The following COL24A1 variants were observed in gnomAD, a reference collection of about 807,000 sequenced individuals.
COL24A1 encodes collagen alpha-1(XXIV) chain.
Under a neutral mutation model 253.9 loss-of-function variants are expected in COL24A1, and 224 were observed. That is an observed-to-expected ratio of 0.88 (90% CI 0.79 to 0.99). The LOEUF (loss-of-function observed/expected upper bound fraction) is 0.99. Among genes scored for constraint, COL24A1 ranks in the 50% least tolerant of loss-of-function variants. The pLI is 0.00. For missense variants in COL24A1, 2,131 were observed against 2,068.5 expected, an observed-to-expected ratio of 1.03 and a Z score of -0.59; for synonymous variants, 685 against 673.7, an observed-to-expected ratio of 1.02 and a Z score of -0.26.
chr1:86,154,234 A>C (rs1464453967), intron 1 of COL24A1: 6 of 151,526 alleles, frequency 4.0e-5, no homozygotes, highest in Admixed American at 3.9e-4. Flanking sequence ...GATTTTCTAG[A>C]AACAATTTTT....
intron 43 of COL24A1, among the ~76,000 whole-genome samples, chr1:85,827,520 C>G (rs1265605054): frequency 1.3e-5 from 2 of 151,874 alleles, no homozygotes. Context: ...CCTCCTTGTA[C>G]CTCTGGTAGA....
intron 2 of COL24A1, among the ~76,000 whole-genome samples, 165 bp downstream of exon 2, chr1:86,145,954 C>T (rs1012227701): frequency 5.3e-5 from 8 of 151,950 alleles, no homozygotes; most frequent in Non-Finnish European, 8.8e-5. Context: ...CGTATTTCCC[C>T]TCAAAATTGG....
At chr1:86,142,028 G>A (rs563254416) in intron 2 of COL24A1, among the ~76,000 whole-genome samples, 1 of 152,034 alleles carries the variant, frequency 6.6e-6, no homozygotes, top group South Asian at 2.1e-4. Flanking sequence ...TAACAGAAAT[G>A]TTGCATACTT....
At chr1:85,743,038 C>A (rs1024569668) in intron 57 of COL24A1, among the ~76,000 whole-genome samples, 1 of 152,118 alleles carries the variant, frequency 6.6e-6, no homozygotes, top group Non-Finnish European at 1.5e-5. Flanking sequence ...CCTACCTCTA[C>A]CCCTGTCTTC....
chr1:85,766,553 C>T (rs913802130), intron 53 of COL24A1, among the ~76,000 whole-genome samples: 8 of 151,622 alleles, frequency 5.3e-5, no homozygotes, highest in East Asian at 1.9e-4. Context: ...GTGGAAAGGA[C>T]CTACTTGGGA....
intron 2 of COL24A1, among the ~76,000 whole-genome samples, chr1:86,130,549 A>G (rs747047852): frequency 6.6e-5 from 10 of 151,898 alleles, no homozygotes; most frequent in African/African-American, 1.4e-4. Context: ...CTTTCATTAC[A>G]CATATCTATT....
At chr1:86,063,425 T>G (rs1254360035) in intron 8 of COL24A1, among the ~76,000 whole-genome samples, 1 of 151,834 alleles carries the variant, frequency 6.6e-6, no homozygotes, top group Non-Finnish European at 1.5e-5. Context: ...AAAGGATTCA[T>G]AGTATTTATG....
At chr1:85,775,169 C>G (rs928421255) in intron 53 of COL24A1, among the ~76,000 whole-genome samples, 1 of 151,924 alleles carries the variant, frequency 6.6e-6, no homozygotes, top group Non-Finnish European at 1.5e-5. Context: ...GTTTCCATGT[C>G]GTTGTGCAGT....
chr1:85,827,749 T>A (rs560999230), intron 43 of COL24A1, among the ~76,000 whole-genome samples: 10 of 152,230 alleles, frequency 6.6e-5, no homozygotes, highest in African/African-American at 2.4e-4. Context: ...TAGTTTGTAT[T>A]TCTGTGGGAT....
chr1:85,778,143 G>T (rs909418514), intron 52 of COL24A1, among the ~76,000 whole-genome samples: 3 of 150,406 alleles, frequency 2.0e-5, no homozygotes, highest in Non-Finnish European at 4.4e-5. Context: ...AATTTTTTTT[G>T]CCCAGGCTGG....
intron 52 of COL24A1, among the ~76,000 whole-genome samples, chr1:85,780,555 C>T (rs1017871117): frequency 6.6e-5 from 10 of 152,104 alleles, no homozygotes; most frequent in African/African-American, 1.4e-4. Flanking sequence ...GTGGAAAGAG[C>T]GCTGGTCTTG....
In COL24A1 at chr1:85,770,040, A is replaced by G. The variant is rs979053516; in HGVS notation, c.4374+5634T>C. ...ATGCAGAGCCACACTGATATGGAAC[A>G]TGGGCTAATTCCAAGTCTCTCTGCT... is the stretch of plus-strand genomic sequence containing the variant. On this transcript the variant is annotated intron_variant, in intron 53 of 59. Transcript: ENST00000370571. 3.3e-5 allele frequency among the ~76,000 whole-genome samples: 5 copies of G among 152,240 alleles called. No homozygotes were observed. The East Asian group carries it at 9.7e-4, about 29-fold the overall frequency.
intron 45 of COL24A1, among the ~76,000 whole-genome samples, chr1:85,821,626 A>T (rs1673629263): frequency 6.6e-6 from 1 of 152,214 alleles, no homozygotes; most frequent in African/African-American, 2.4e-5. Context: ...ACTATTTTAA[A>T]TTCTAAGAGG....
intron 1 of COL24A1, chr1:86,154,687 T>C (rs187881472): frequency 6.5e-6 from 1 of 152,704 alleles, no homozygotes; most frequent in African/African-American, 2.4e-5. Context: ...CAGGAGCAGA[T>C]CTGCTTTAAC....
chr1:85,807,225 T>C (rs1459221734), intron 47 of COL24A1, among the ~76,000 whole-genome samples: 1 of 152,140 alleles, frequency 6.6e-6, no homozygotes, highest in African/African-American at 2.4e-5. Context: ...TCCCTCACAA[T>C]AGAAAGGGGT....
At chr1:85,929,852 G>T (rs1301797037) in intron 24 of COL24A1, among the ~76,000 whole-genome samples, 1 of 149,862 alleles carries the variant, frequency 6.7e-6, no homozygotes, top group Non-Finnish European at 1.5e-5. Flanking sequence ...ATAACGAAAT[G>T]AAGGCAGAAA....
intron 31 of COL24A1, among the ~76,000 whole-genome samples, chr1:85,892,118 A>G (rs1474435220): frequency 6.6e-6 from 1 of 152,148 alleles, no homozygotes; most frequent in Non-Finnish European, 1.5e-5. Context: ...TGAAGCCCAG[A>G]GAAGTTAAGT....
At chr1:85,871,954 G>A (rs1405527658) in intron 35 of COL24A1, among the ~76,000 whole-genome samples, 1 of 152,138 alleles carries the variant, frequency 6.6e-6, no homozygotes, top group Non-Finnish European at 1.5e-5. Flanking sequence ...AAACCCCATC[G>A]TTTCAGCCCC....
At chr1:85,951,124 A>G (rs1689867093) in intron 24 of COL24A1, among the ~76,000 whole-genome samples, 1 of 152,222 alleles carries the variant, frequency 6.6e-6, no homozygotes, top group Admixed American at 6.5e-5. Context: ...AGTAGCAAAT[A>G]AATTTTAAAA....
Sources: gnomAD v4.1 joint callset for allele counts (sites outside exome capture counted in the v4.1 genomes callset) on GRCh38, gnomAD v4.1.1 for gene constraint, MANE v1.5 for transcripts, NCBI Gene and HGNC (gene_info 2026-07-23, HGNC 2026-07-21) for gene names.